The following TARS3 variants were observed in gnomAD, a reference collection of about 807,000 sequenced individuals.
TARS3 encodes threonyl-tRNA synthetase 3, also known as threonine--tRNA ligase 2, cytoplasmic.
Under a neutral mutation model 103.5 loss-of-function variants are expected in TARS3, and 94 were observed. The ratio of observed to expected loss-of-function variants is 0.91; its 90% CI spans 0.77 to 1.08. The LOEUF is 1.08. Ranked by LOEUF, TARS3 falls within the 50% of genes least tolerant of loss-of-function variation. The pLI is 0.00. For missense variants in TARS3, 952 were observed against 995.2 expected, an observed-to-expected ratio of 0.96 and a Z score of 0.58; for synonymous variants, 416 against 355.4, an observed-to-expected ratio of 1.17 and a Z score of -1.92.
At chr15:101,678,947 A>G (rs1010591049) in intron 12 of TARS3, among the ~76,000 whole-genome samples, 8 of 152,164 alleles carry the variant, frequency 5.3e-5, no homozygotes, top group African/African-American at 1.7e-4. Flanking sequence ...CAGCACTTTA[A>G]AAGTATTGTG....
At chr15:101,697,072 T>C (rs1263529762) in intron 10 of TARS3, among the ~76,000 whole-genome samples, 1 of 152,180 alleles carries the variant, frequency 6.6e-6, no homozygotes, top group Non-Finnish European at 1.5e-5. Flanking sequence ...TATAACCTGT[T>C]AAATATTTAT....
At chr15:101,681,988 T>C (rs964201265) in intron 12 of TARS3, among the ~76,000 whole-genome samples, 2 of 152,232 alleles carry the variant, frequency 1.3e-5, no homozygotes, top group Admixed American at 6.5e-5. Context: ...TTTTTGTATG[T>C]TGATATTCCA....
In TARS3 at chr15:101,654,721, T is replaced by C. The variant is rs749262991; in HGVS notation, c.2270A>G (p.Glu757Gly). The stretch of plus-strand genomic sequence containing the variant: ...TACAGCATTATCTATCTTTTCCTTT[T>C]CTCCAACCACTGCAGAAAAGAAAGG... Reference protein sequence around the residue: ...AQYNFILVVGEKEKIDNAVNV... With the variant: ...AQYNFILVVGGKEKIDNAVNV... The change falls in exon 19 of 19, where the codon GAA (glutamate) becomes GGA (glycine). Residue 757 changes from glutamate (E) to glycine (G), a missense_variant. By Grantham distance (98) the Glu-to-Gly change is moderately conservative (BLOSUM62 -2). This residue lies in a region of TARS3 where 540 missense variants were observed against 631.0 expected (regional missense o/e 0.86). Coordinates refer to ENST00000335968, the MANE Select transcript of TARS3 (RefSeq NM_152334.3). 5.6e-6 allele frequency: 9 copies of C among 1,613,418 alleles called. No homozygotes were observed. In the Admixed American group the frequency reaches 1.2e-4, roughly 21 times the overall value.
Position 101,724,156 on chromosome 15 carries a change from C to A in TARS3, c.232G>T (p.Glu78Ter). The change falls in exon 1 of 19, where the codon GAG (glutamate) becomes TAG (stop). Residue 78 changes from glutamate to a stop codon, truncating the protein, a stop_gained. Transcript: ENST00000335968. LOFTEE classifies it high-confidence loss of function. Reference protein sequence around the residue: ...LCSLRLCLAEERSRQATLESA... With the variant: ...LCSLRLCLAE ...TCCAGCGTGGCCTGGCGGCTCCGCT[C>A]CTCGGCGAGGCACAGCCGCAGGCTG... 6.8e-7 allele frequency: 1 copy of A among 1,475,614 alleles called. No individual in the cohort carries two copies. Among genetic ancestry groups the A allele is most frequent in the Non-Finnish European group, 9.0e-7 (1 of 1,114,800 alleles). The allele number at this position is 1,475,614 out of a possible 1,614,324, so 91.4% of individuals were successfully genotyped here.
chr15:101,674,855 T>G (rs1312322673), intron 13 of TARS3, among the ~76,000 whole-genome samples: 1 of 151,990 alleles, frequency 6.6e-6, no homozygotes, highest in Non-Finnish European at 1.5e-5. Context: ...ATTTGTGGGT[T>G]GAAGGCATGA....
rs759263507 is a variant in TARS3 at position 101,684,151 on chromosome 15, G to A, written c.1574C>T (p.Ser525Leu). 1.4e-5 allele frequency: 23 copies of A among 1,613,886 alleles called. No individual in the cohort carries two copies. The highest frequency in any genetic ancestry group is 1.6e-4 in the Middle Eastern group (1 of 6,084). ...TCTGGTCAAGCCGCTGAGAGTCCCC[G>A]ACAGTTCATTTCTATGCAGAACTCC... ...DFGVLHRNELSGTLSGLTRVR... is the reference protein window; with the variant it reads ...DFGVLHRNELLGTLSGLTRVR... The change falls in exon 12 of 19, where the codon TCG (serine) becomes TTG (leucine). Residue 525 changes from serine (S) to leucine (L), a missense_variant. By Grantham distance (145) the Ser-to-Leu change is moderately radical. Transcript: ENST00000335968.
At chr15:101,686,599 A>G (rs1372963534) in intron 10 of TARS3, among the ~76,000 whole-genome samples, 1 of 152,330 alleles carries the variant, frequency 6.6e-6, no homozygotes, top group East Asian at 1.9e-4. Context: ...ACAGGAGAAG[A>G]GAGTTTTTTT....
rs1025437634 is a variant in TARS3, at chr15:101,675,914, G to A, written c.1651-177C>T. On this transcript the variant is annotated intron_variant, in intron 12 of 18. Coordinates refer to ENST00000335968, the MANE Select transcript of TARS3 (RefSeq NM_152334.3). Reference sequence around the variant, plus strand: ...GAACCTTCGTTTGAGTGCTAGGCACGTGCAGGGAATGGAGAAGGAGTAGGC... The same window carrying A: ...GAACCTTCGTTTGAGTGCTAGGCACATGCAGGGAATGGAGAAGGAGTAGGC... Among the ~76,000 whole-genome samples, 31 of 152,006 alleles carry A rather than the reference G, an allele frequency of 2.0e-4. 1 individual carries two copies. The highest frequency in any genetic ancestry group is 7.2e-4 in the Admixed American group (11 of 15,268).
intron 16 of TARS3, among the ~76,000 whole-genome samples, chr15:101,658,888 G>A (rs1352536295): frequency 6.6e-6 from 1 of 152,178 alleles, no homozygotes; most frequent in African/African-American, 2.4e-5. Context: ...TGCCTCCCGA[G>A]TTCAAGTGAT....
intron 15 of TARS3, among the ~76,000 whole-genome samples, chr15:101,668,497 A>T (rs1567325987): frequency 1.3e-5 from 2 of 151,858 alleles, no homozygotes; most frequent in Non-Finnish European, 1.5e-5. Context: ...AACAGATAGA[A>T]TAATAATGAA....
chr15:101,705,642 A>G (rs1899517326), intron 7 of TARS3, 41 bp downstream of exon 7: 1 of 1,574,582 alleles, frequency 6.4e-7, no homozygotes. Context: ...AACACCTTCA[A>G]GTTTACCACT....
intron 10 of TARS3, among the ~76,000 whole-genome samples, chr15:101,700,768 A>C (rs779421595): frequency 4.1e-4 from 62 of 152,082 alleles, no homozygotes; most frequent in Non-Finnish European, 6.3e-4. Flanking sequence ...CAGCCTCCCA[A>C]GTAGCTGGGA....
chr15:101,695,600 T>C (rs982190314), intron 10 of TARS3, among the ~76,000 whole-genome samples: 1 of 146,848 alleles, frequency 6.8e-6, no homozygotes, highest in Non-Finnish European at 1.5e-5. Flanking sequence ...TTTTTATTTA[T>C]CTTGGGATAA....
chr15:101,655,016 G>A (rs890566711), intron 18 of TARS3, among the ~76,000 whole-genome samples: 17 of 151,914 alleles, frequency 1.1e-4, no homozygotes, highest in African/African-American at 2.4e-4. Flanking sequence ...GCACTAGGGC[G>A]CAAATGAGAG....
chr15:101,679,929 A>C (rs1164843380), intron 12 of TARS3, among the ~76,000 whole-genome samples: 1 of 152,206 alleles, frequency 6.6e-6, no homozygotes, highest in Non-Finnish European at 1.5e-5. Flanking sequence ...TTTACTGCAC[A>C]CAGAAAGCAT....
intron 4 of TARS3, among the ~76,000 whole-genome samples, chr15:101,713,134 C>A (rs987964685): frequency 2.6e-5 from 4 of 152,228 alleles, no homozygotes; most frequent in Non-Finnish European, 5.9e-5. Context: ...GGCGAAGACA[C>A]AGGCAATAAA....
Position 101,724,463 on chromosome 15 carries a change from C to A in TARS3, c.-76G>T. ...GAGGGCGACGCGGACACTCAGCGCA[C>A]GGCAGAAGACAGGGCTCCCGGGAGG... is the stretch of plus-strand genomic sequence containing the variant. On this transcript the variant is annotated 5_prime_UTR_variant, in exon 1 of 19. Coordinates refer to ENST00000335968, the MANE Select transcript of TARS3 (RefSeq NM_152334.3). The A allele has an allele frequency of 5.2e-6, 7 of 1,335,222 alleles. No homozygotes were observed. The highest frequency in any genetic ancestry group is 6.7e-6 in the Non-Finnish European group (7 of 1,048,822). The allele number at this position is 1,335,222 out of a possible 1,614,324, so 82.7% of individuals were successfully genotyped here.
chr15:101,658,972 A>G (rs577691629), intron 16 of TARS3, among the ~76,000 whole-genome samples: 1 of 152,196 alleles, frequency 6.6e-6, no homozygotes, highest in Admixed American at 6.5e-5. Flanking sequence ...TTGTATTTTC[A>G]GTAGAGACGG....
At chr15:101,683,974 C>A (rs1898358242) in intron 12 of TARS3, 101 bp downstream of exon 12, 5 of 1,237,556 alleles carry the variant, frequency 4.0e-6, no homozygotes, top group Non-Finnish European at 5.5e-6. Flanking sequence ...AGAGACTAGA[C>A]CAAACGTCTA....
Sources: allele counts gnomAD v4.1 joint callset (sites outside exome capture counted in the v4.1 genomes callset), GRCh38; gene constraint gnomAD v4.1.1; regional missense constraint gnomAD v4.1.1; transcripts MANE v1.5; gene names NCBI Gene and HGNC (gene_info 2026-07-23, HGNC 2026-07-21).